The following MAP2K4 variants were observed in gnomAD, a reference collection of about 807,000 sequenced individuals.
MAP2K4 encodes dual specificity mitogen-activated protein kinase kinase 4.
A neutral mutation model predicts 48.5 loss-of-function variants in MAP2K4; 4 were observed. That is an observed-to-expected ratio of 0.08 (90% confidence interval 0.04 to 0.19). The LOEUF (loss-of-function observed/expected upper bound fraction) is 0.19. MAP2K4 is among the 10% of genes least tolerant of loss of function. The pLI is 1.00. For missense variants in MAP2K4, 258 were observed against 493.3 expected, an observed-to-expected ratio of 0.52 and a Z score of 4.52; for synonymous variants, 166 against 173.1, an observed-to-expected ratio of 0.96 and a Z score of 0.32.
At chr17:12,058,023 C>CTGG (rs1219716122) in intron 2 of MAP2K4, among the ~76,000 whole-genome samples, 1 of 151,790 alleles carries the variant, frequency 6.6e-6, no homozygotes, top group Admixed American at 6.6e-5. Context: ...AGATCATCAC[C>CTGG]TGGTGGGCTT....
At chr17:12,139,817 T>C in intron 9 of MAP2K4, 22 bp from the exon 10 acceptor site, 2 of 1,523,130 alleles carry the variant, frequency 1.3e-6, no homozygotes, top group Non-Finnish European at 1.8e-6. Context: ...ATTTTAATAA[T>C]GTTATTTTTA....
chr17:12,071,643 A>G (rs1416901600), intron 2 of MAP2K4, among the ~76,000 whole-genome samples: 1 of 152,216 alleles, frequency 6.6e-6, no homozygotes, highest in East Asian at 1.9e-4. Flanking sequence ...GGTTGGCACA[A>G]AAACAAAAAT....
intron 1 of MAP2K4, among the ~76,000 whole-genome samples, chr17:12,038,273 T>C (rs1176571374): frequency 6.6e-6 from 1 of 152,136 alleles, no homozygotes; most frequent in Non-Finnish European, 1.5e-5. Flanking sequence ...ATTTGGATTG[T>C]CACTACATGG....
chr17:12,035,201 A>G (rs1355509066), intron 1 of MAP2K4, among the ~76,000 whole-genome samples: 3 of 152,248 alleles, frequency 2.0e-5, no homozygotes, highest in African/African-American at 7.2e-5. Flanking sequence ...ACTTTATGGT[A>G]AAAGTGGTCA....
intron 3 of MAP2K4, among the ~76,000 whole-genome samples, chr17:12,084,118 A>G (rs1053240982): frequency 1.3e-5 from 2 of 152,300 alleles, no homozygotes; most frequent in African/African-American, 4.8e-5. Flanking sequence ...GTTCTGAGGA[A>G]TTCCTTCCCC....
chr17:12,077,624 A>G (rs1259069029), intron 2 of MAP2K4, among the ~76,000 whole-genome samples: 1 of 152,150 alleles, frequency 6.6e-6, no homozygotes, highest in East Asian at 1.9e-4. Context: ...CCTACATTCC[A>G]GGCAACAAGA....
chr17:12,093,223 A>G (rs1462443738), intron 3 of MAP2K4, among the ~76,000 whole-genome samples: 1 of 152,182 alleles, frequency 6.6e-6, no homozygotes, highest in Non-Finnish European at 1.5e-5. Flanking sequence ...TTTGTACTAA[A>G]GTGACATTAA....
intron 9 of MAP2K4, among the ~76,000 whole-genome samples, chr17:12,139,591 C>G (rs1973311702): frequency 6.6e-6 from 1 of 152,022 alleles, no homozygotes; most frequent in Non-Finnish European, 1.5e-5. Flanking sequence ...AGTCAATTTT[C>G]AAGAATTAAT....
chr17:12,078,626 T>C (rs1295587998), intron 2 of MAP2K4, among the ~76,000 whole-genome samples: 1 of 152,158 alleles, frequency 6.6e-6, no homozygotes, highest in Non-Finnish European at 1.5e-5. Context: ...AAGAGTATAA[T>C]TGTAGGCAAA....
Position 12,034,770 on chromosome 17 carries a change from T to G in MAP2K4, c.115+13769T>G, listed in dbSNP as rs567390028. On this transcript the variant is annotated intron_variant, in intron 1 of 10. Coordinates refer to ENST00000353533, the MANE Select transcript of MAP2K4 (RefSeq NM_003010.4). ...TGGTGCAGGAGTGGATCTGTCCTGG[T>G]CACCTTTGCTCCTGCTGTTCTCTCA... Among the ~76,000 whole-genome samples, 300 of 152,330 alleles carry G rather than the reference T, an allele frequency of 2.0e-3. 2 individuals are homozygous for G. Among genetic ancestry groups the G allele is most frequent in the African/African-American group, 6.7e-3 (277 of 41,576 alleles).
At chr17:12,035,881 T>C (rs992488998) in intron 1 of MAP2K4, among the ~76,000 whole-genome samples, 9 of 152,226 alleles carry the variant, frequency 5.9e-5, no homozygotes, top group African/African-American at 2.2e-4. Context: ...TTTCATTGAC[T>C]TTCACATAGT....
intron 2 of MAP2K4, among the ~76,000 whole-genome samples, chr17:12,069,431 A>G (rs1970716088): frequency 1.3e-5 from 2 of 152,180 alleles, no homozygotes; most frequent in Middle Eastern, 3.2e-3. Context: ...TGATGCAAAC[A>G]TGAATGTTTG....
In MAP2K4 at chr17:12,028,570, T is replaced by A. The variant is rs540007774; in HGVS notation, c.115+7569T>A. Among the ~76,000 whole-genome samples the A allele has an allele frequency of 4.1e-4, 63 of 152,312 alleles. 1 individual carries two copies. In the South Asian group the frequency reaches 0.012, roughly 30 times the overall value. On this transcript the variant is annotated intron_variant, in intron 1 of 10. Coordinates refer to ENST00000353533, the MANE Select transcript of MAP2K4 (RefSeq NM_003010.4). ...AAGGCACATGCCAGAATTTTGAAGTTGGAAGTTTGAAGGTGTCAGACAAAT... is the reference window on the plus strand; with the variant it reads ...AAGGCACATGCCAGAATTTTGAAGTAGGAAGTTTGAAGGTGTCAGACAAAT...
intron 7 of MAP2K4, among the ~76,000 whole-genome samples, chr17:12,114,447 T>C (rs1387053582): frequency 6.6e-6 from 1 of 151,960 alleles, no homozygotes; most frequent in Non-Finnish European, 1.5e-5. Flanking sequence ...TAAGACCTTT[T>C]AAACTTTTGG....
chr17:12,071,780 G>A (rs1166538809), intron 2 of MAP2K4, among the ~76,000 whole-genome samples: 1 of 152,070 alleles, frequency 6.6e-6, no homozygotes, highest in Non-Finnish European at 1.5e-5. Context: ...CCAATGTATA[G>A]ACCAGTGAAC....
chr17:12,076,575 A>G (rs1234486075), intron 2 of MAP2K4, among the ~76,000 whole-genome samples: 1 of 152,206 alleles, frequency 6.6e-6, no homozygotes, highest in African/African-American at 2.4e-5. Context: ...ATTTCTGTAC[A>G]TTGAGTTGTA....
chr17:12,075,440 AG>A (rs1464390133), intron 2 of MAP2K4, among the ~76,000 whole-genome samples: 1 of 152,230 alleles, frequency 6.6e-6, no homozygotes, highest in African/African-American at 2.4e-5. Context: ...CATAAACACA[AG>A]GGAAGGTAAA....
intron 4 of MAP2K4, among the ~76,000 whole-genome samples, chr17:12,102,754 T>C (rs765717781): frequency 6.6e-6 from 1 of 152,092 alleles, no homozygotes; most frequent in Non-Finnish European, 1.5e-5. Context: ...TCTTTGGTAT[T>C]TGTTTCTTTG....
At chr17:12,105,835 A>G (rs1232090910) in intron 4 of MAP2K4, among the ~76,000 whole-genome samples, 2 of 151,872 alleles carry the variant, frequency 1.3e-5, no homozygotes, top group Non-Finnish European at 2.9e-5. Flanking sequence ...TTCTCGGTTT[A>G]CTTGTTACCT....
Sources: gnomAD v4.1 joint callset for allele counts (sites outside exome capture counted in the v4.1 genomes callset) on GRCh38, gnomAD v4.1.1 for gene constraint, MANE v1.5 for transcripts, NCBI Gene and HGNC (gene_info 2026-07-23, HGNC 2026-07-21) for gene names.